The following WDPCP variants were observed in gnomAD, a reference collection of about 807,000 sequenced individuals.
WDPCP encodes WD repeat-containing and planar cell polarity effector protein fritz homolog.
A neutral mutation model predicts 93.1 loss-of-function variants in WDPCP; 71 were observed. The observed-to-expected ratio is 0.76, with a 90% confidence interval of 0.63 to 0.93. The LOEUF (loss-of-function observed/expected upper bound fraction) is 0.93. Among genes scored for constraint, WDPCP ranks in the 40% least tolerant of loss-of-function variants. WDPCP has a pLI of 0.00. For synonymous variants in WDPCP, 315 were observed against 315.0 expected (o/e 1.00, Z 0.00); for missense variants, 844 against 887.4 (o/e 0.95, Z 0.62).
At chr2:63,458,872 A>G (rs1698815879) in intron 6 of WDPCP, among the ~76,000 whole-genome samples, 1 of 152,196 alleles carries the variant, frequency 6.6e-6, no homozygotes, top group South Asian at 2.1e-4. Flanking sequence ...ATATTCGTGT[A>G]ACAACAGACA....
intron 14 of WDPCP, among the ~76,000 whole-genome samples, chr2:63,212,595 A>AG (rs1459433700): frequency 6.6e-6 from 1 of 152,188 alleles, no homozygotes; most frequent in Non-Finnish European, 1.5e-5. Flanking sequence ...TCATAATGAC[A>AG]GGAACAAATT....
At chr2:63,128,104 A>C (rs768100729) in intron 17 of WDPCP, among the ~76,000 whole-genome samples, 3 of 152,110 alleles carry the variant, frequency 2.0e-5, no homozygotes, top group Non-Finnish European at 2.9e-5. Context: ...ACACCTCTGC[A>C]CTCCAGCCTG....
At chr2:63,745,953 T>G (rs1036513712) in intron 2 of WDPCP, among the ~76,000 whole-genome samples, 10 of 152,158 alleles carry the variant, frequency 6.6e-5, no homozygotes, top group African/African-American at 2.4e-4. Flanking sequence ...ATCTGATAGA[T>G]AGGAAATATC....
At chr2:63,660,678 TATCAAATTCTAAACTA>T (rs1710216659) in intron 2 of WDPCP, among the ~76,000 whole-genome samples, 2 of 152,194 alleles carry the variant, frequency 1.3e-5, no homozygotes, top group African/African-American at 4.8e-5. Context: ...CAAAATGAGA[TATCAAATTCTAAACTA>T]TTTTTGATTT....
intron 2 of WDPCP, among the ~76,000 whole-genome samples, chr2:63,656,545 C>G (rs1710168178): frequency 6.6e-6 from 1 of 152,166 alleles, no homozygotes; most frequent in African/African-American, 2.4e-5. Flanking sequence ...ATTTCAAGAG[C>G]TAAGAGCAGC....
chr2:63,798,066 A>G (rs540405798), intron 2 of WDPCP, among the ~76,000 whole-genome samples: 1 of 152,336 alleles, frequency 6.6e-6, no homozygotes, highest in East Asian at 1.9e-4. Flanking sequence ...TTACCCTAGA[A>G]TAATATACCT....
chr2:63,395,332 A>T (rs540736345), intron 10 of WDPCP, among the ~76,000 whole-genome samples: 1 of 152,296 alleles, frequency 6.6e-6, no homozygotes, highest in East Asian at 1.9e-4. Flanking sequence ...CCTATCACCC[A>T]AACAGTGAAC....
At chr2:63,123,059 A>C (rs1428781619) in intron 17 of WDPCP, among the ~76,000 whole-genome samples, 4 of 151,908 alleles carry the variant, frequency 2.6e-5, no homozygotes, top group Non-Finnish European at 5.9e-5. Context: ...AAAAAAAAAA[A>C]AAACCTGGAA....
intron 2 of WDPCP, among the ~76,000 whole-genome samples, chr2:63,772,542 A>T (rs984662277): frequency 6.6e-6 from 1 of 152,200 alleles, no homozygotes; most frequent in East Asian, 1.9e-4. Context: ...TCCTAAACAA[A>T]AGATTAGCAA....
At chr2:63,502,780 A>T (rs186891211) in intron 1 of WDPCP, among the ~76,000 whole-genome samples, 16 of 132,838 alleles carry the variant, frequency 1.2e-4, no homozygotes, top group East Asian at 2.0e-4. Context: ...AATCTGATTT[A>T]AAAAAAAAAA....
chr2:63,163,732 G>C (rs548620165), intron 15 of WDPCP, among the ~76,000 whole-genome samples: 1 of 152,204 alleles, frequency 6.6e-6, no homozygotes, highest in Admixed American at 6.5e-5. Flanking sequence ...ATGAATTATA[G>C]GCTGTAATTT....
At chr2:63,796,171 G>A (rs1221970269) in intron 2 of WDPCP, among the ~76,000 whole-genome samples, 1 of 152,204 alleles carries the variant, frequency 6.6e-6, no homozygotes, top group Non-Finnish European at 1.5e-5. Context: ...TGGACCTGCT[G>A]CAGCTATCAG....
At chr2:63,141,808 G>A (rs189751106) in intron 17 of WDPCP, among the ~76,000 whole-genome samples, 43 of 151,966 alleles carry the variant, frequency 2.8e-4, no homozygotes, top group African/African-American at 9.4e-4. Context: ...TTTCGATCTC[G>A]CTGCTTGTTA....
At chr2:63,822,423 G>A (rs1035973153) in intron 1 of WDPCP, among the ~76,000 whole-genome samples, 1 of 152,116 alleles carries the variant, frequency 6.6e-6, no homozygotes, top group Non-Finnish European at 1.5e-5. Flanking sequence ...TTAAAATTCA[G>A]CTTTGGAGAT....
chr2:63,239,947 A>AT (rs909646425), intron 14 of WDPCP, among the ~76,000 whole-genome samples: 10 of 152,084 alleles, frequency 6.6e-5, no homozygotes, highest in African/African-American at 2.2e-4. Context: ...TGAATAAATG[A>AT]TTTTTTCACA....
chr2:63,746,075 C>T lies in WDPCP; in HGVS notation n.308+67547G>A, dbSNP rs139113589. Among the ~76,000 whole-genome samples the T allele has an allele frequency of 4.1e-3, 626 of 152,156 alleles. 3 individuals carry two copies. Among genetic ancestry groups the T allele is most frequent in the African/African-American group, 0.014 (586 of 41,510 alleles). ...AATGTGTTGTGGGAAGTCAGGGACC[C>T]CAAACAGAGGGACTGGCTGAAGCCA... On this transcript the variant is annotated intron_variant and non_coding_transcript_variant, in intron 2 of 4. Coordinates refer to the WDPCP transcript ENST00000467687.
chr2:63,616,945 A>G (rs1325424519), intron 3 of WDPCP, among the ~76,000 whole-genome samples: 1 of 152,240 alleles, frequency 6.6e-6, no homozygotes, highest in East Asian at 1.9e-4. Flanking sequence ...TTTCTCTAAC[A>G]TCCCCAAAAG....
intron 2 of WDPCP, among the ~76,000 whole-genome samples, chr2:63,756,884 T>C (rs924428601): frequency 3.3e-5 from 5 of 152,166 alleles, no homozygotes; most frequent in African/African-American, 1.2e-4. Flanking sequence ...TAAGATCATA[T>C]ATCCAAGAAA....
intron 2 of WDPCP, among the ~76,000 whole-genome samples, chr2:63,652,558 C>G (rs1448095534): frequency 6.6e-6 from 1 of 152,174 alleles, no homozygotes; most frequent in Non-Finnish European, 1.5e-5. Flanking sequence ...AAGTCTCTAC[C>G]ATCTGCTGCA....
Sources: allele counts gnomAD v4.1 joint callset (sites outside exome capture counted in the v4.1 genomes callset), GRCh38; gene constraint gnomAD v4.1.1; transcripts MANE v1.5; gene names NCBI Gene and HGNC (gene_info 2026-07-23, HGNC 2026-07-21).